Variants in LAPTM4B observed in about 807,000 individuals in gnomAD.
The protein encoded by LAPTM4B is lysosomal protein transmembrane 4 beta.
LAPTM4B carries 26 observed loss-of-function variants against 28.5 expected under a neutral mutation model. The ratio of observed to expected loss-of-function variants is 0.91; its 90% CI spans 0.67 to 1.27. LAPTM4B has a LOEUF of 1.27. LAPTM4B is among the 50% of genes most tolerant of loss of function. The pLI is 0.00. For missense variants in LAPTM4B, 288 were observed against 285.8 expected (o/e 1.01, Z -0.06); for synonymous variants, 109 against 106.4 (o/e 1.02, Z -0.15).
intron 3 of LAPTM4B, among the ~76,000 whole-genome samples, chr8:97,815,787 C>G (rs951083820): frequency 1.3e-5 from 2 of 152,018 alleles, no homozygotes; most frequent in Non-Finnish European, 2.9e-5. Context: ...AGGCTAGTCT[C>G]GAACTCCTGA....
intron 6 of LAPTM4B, among the ~76,000 whole-genome samples, chr8:97,844,585 G>A (rs1310593966): frequency 6.6e-6 from 1 of 152,166 alleles, no homozygotes; most frequent in Non-Finnish European, 1.5e-5. Flanking sequence ...GGTTTCACAA[G>A]ACTGGAAGAC....
intron 1 of LAPTM4B, among the ~76,000 whole-genome samples, chr8:97,789,051 TTTATTTATTTA>T (rs1563602178): frequency 3.8e-5 from 2 of 52,268 alleles, no homozygotes; most frequent in African/African-American, 1.7e-4. Context: ...TATTTATTTA[TTTATTTATTTA>T]TTTATTTATT....
rs1272355586 is a variant in LAPTM4B at position 97,787,289 on chromosome 8, T to TTC, written c.99+11182_99+11183insCT. 1.7e-4 allele frequency among the ~76,000 whole-genome samples: 25 copies of TTC among 146,500 alleles called. 1 individual carries two copies. In the South Asian group the frequency reaches 5.2e-3, roughly 30 times the overall value. ...GGGAGGCTAGGAGATGTTTCTTTCT[T>TTC]TTTTTTTTTTTTTTGAGACTGAGTC... On this transcript the variant is annotated intron_variant, in intron 1 of 6. Coordinates refer to ENST00000521545, the MANE Select transcript of LAPTM4B (RefSeq NM_018407.6).
intron 6 of LAPTM4B, among the ~76,000 whole-genome samples, chr8:97,841,391 G>A (rs1202157997): frequency 1.3e-5 from 2 of 152,104 alleles, no homozygotes; most frequent in South Asian, 2.1e-4. Context: ...GCAATGGCAC[G>A]ATCTTGGCTT....
At chr8:97,848,306 C>T (rs1817462844) in intron 6 of LAPTM4B, among the ~76,000 whole-genome samples, 2 of 152,026 alleles carry the variant, frequency 1.3e-5, no homozygotes, top group Non-Finnish European at 2.9e-5. Flanking sequence ...TAAAATGAAA[C>T]TTTAAAACGA....
chr8:97,804,108 A>G (rs1816726580), intron 1 of LAPTM4B, among the ~76,000 whole-genome samples: 1 of 152,162 alleles, frequency 6.6e-6, no homozygotes, highest in African/African-American at 2.4e-5. Context: ...GGCCTGGCCC[A>G]GTGATGCGCA....
chr8:97,829,693 C>CTTTTTT (rs534166331), intron 6 of LAPTM4B, among the ~76,000 whole-genome samples: 1 of 146,934 alleles, frequency 6.8e-6, no homozygotes. Flanking sequence ...TCTTTTCTTT[C>CTTTTTT]TTCTTTTTTT....
chr8:97,821,535 G>A (rs1396976827), intron 5 of LAPTM4B, among the ~76,000 whole-genome samples: 1 of 145,108 alleles, frequency 6.9e-6, no homozygotes, highest in African/African-American at 2.9e-5. Flanking sequence ...TAGTGAGGAC[G>A]TGTGGATGTA....
chr8:97,802,324 G>C (rs1816695690), intron 1 of LAPTM4B, among the ~76,000 whole-genome samples: 1 of 152,312 alleles, frequency 6.6e-6, no homozygotes, highest in South Asian at 2.1e-4. Context: ...TTCCAGGAAA[G>C]GGGTGGGCAA....
chr8:97,792,293 T>C (rs1211796544), intron 1 of LAPTM4B, among the ~76,000 whole-genome samples: 5 of 152,166 alleles, frequency 3.3e-5, no homozygotes, highest in Non-Finnish European at 7.3e-5. Context: ...TCACAGTTTG[T>C]CACCCAGGCT....
intron 3 of LAPTM4B, 36 bp downstream of exon 3, chr8:97,815,437 T>A: frequency 7.1e-7 from 1 of 1,409,042 alleles, no homozygotes; most frequent in Non-Finnish European, 1.0e-6. Context: ...GCCTTTTCCT[T>A]GGTCTCTTAC....
At chr8:97,785,853 T>C (rs1270166226) in intron 1 of LAPTM4B, among the ~76,000 whole-genome samples, 5 of 152,232 alleles carry the variant, frequency 3.3e-5, no homozygotes, top group Non-Finnish European at 5.9e-5. Context: ...TGTATCGTTT[T>C]AATGTCTCTC....
At chr8:97,827,231 T>C (rs13252705) in intron 6 of LAPTM4B, among the ~76,000 whole-genome samples, 71,513 of 152,082 alleles carry the variant, frequency 0.47, 17,083 homozygotes, top group East Asian at 0.57. Flanking sequence ...CTGACTTACT[T>C]CTGCACTAAG....
chr8:97,805,497 C>A (rs781004244), intron 2 of LAPTM4B, 33 bp downstream of exon 2: 2 of 1,199,114 alleles, frequency 1.7e-6, no homozygotes, highest in Non-Finnish European at 2.5e-6. Flanking sequence ...TTTTCAAGGG[C>A]AGGGAATCTG....
chr8:97,815,932 C>T, intron 3 of LAPTM4B, 126 bp from the exon 4 acceptor site: 1 of 886,366 alleles, frequency 1.1e-6, no homozygotes, highest in Non-Finnish European at 1.7e-6. Context: ...TGGTTTCCAC[C>T]ATGACCTGGG....
Position 97,775,932 on chromosome 8 carries a change from C to G in LAPTM4B, c.-78C>G. 8.5e-7 allele frequency: 1 copy of G among 1,178,322 alleles called. No individual in the cohort carries two copies. The allele number at this position is 1,178,322 out of a possible 1,614,324, so 73.0% of individuals were successfully genotyped here. A position where few individuals can be genotyped will look rare whatever the true frequency, so the allele number is the denominator to read the frequency against. ...GGAGCGGCGGAGGAGCCGGCAGCAG[C>G]GGCGCGGCGGGCTCCAGGCGAGGCG... On this transcript the variant is annotated 5_prime_UTR_variant, in exon 1 of 7. Coordinates refer to ENST00000521545, the MANE Select transcript of LAPTM4B (RefSeq NM_018407.6).
At chr8:97,802,582 G>C (rs1816700573) in intron 1 of LAPTM4B, among the ~76,000 whole-genome samples, 1 of 152,134 alleles carries the variant, frequency 6.6e-6, no homozygotes, top group Non-Finnish European at 1.5e-5. Flanking sequence ...TTTGCGACCT[G>C]TACCTTGCAC....
chr8:97,792,838 A>G (rs922315709), intron 1 of LAPTM4B, among the ~76,000 whole-genome samples: 1 of 152,216 alleles, frequency 6.6e-6, no homozygotes, highest in African/African-American at 2.4e-5. Flanking sequence ...TCAGTCTTCC[A>G]AAGTGCTGGG....
At chr8:97,841,030 C>CG (rs1817339434) in intron 6 of LAPTM4B, among the ~76,000 whole-genome samples, 1 of 145,278 alleles carries the variant, frequency 6.9e-6, no homozygotes, top group African/African-American at 2.6e-5. Flanking sequence ...CCAGATGGGG[C>CG]GGCGGCTGGG....
Sources: gnomAD v4.1 joint callset for allele counts (sites outside exome capture counted in the v4.1 genomes callset) on GRCh38, gnomAD v4.1.1 for gene constraint, MANE v1.5 for transcripts, NCBI Gene and HGNC (gene_info 2026-07-23, HGNC 2026-07-21) for gene names.